The following AKAP19 variants were observed in gnomAD, a reference collection of about 807,000 sequenced individuals.
AKAP19 encodes the protein small A-kinase anchoring protein.
the AKAP19 span, among the ~76,000 whole-genome samples, chr2:190,136,812 GA>G: frequency 6.6e-6 from 1 of 152,216 alleles, no homozygotes; most frequent in Non-Finnish European, 1.5e-5. Flanking sequence ...TGGGTTAGTA[GA>G]AAAGAAAGCA....
the AKAP19 span, among the ~76,000 whole-genome samples, chr2:190,117,240 G>C: frequency 6.6e-6 from 1 of 152,098 alleles, no homozygotes; most frequent in Non-Finnish European, 1.5e-5. Flanking sequence ...ATTATAAAAG[G>C]CCTTGTGCAA....
the AKAP19 span, among the ~76,000 whole-genome samples, chr2:189,928,613 A>G: frequency 2.0e-5 from 3 of 152,114 alleles, no homozygotes; most frequent in Non-Finnish European, 4.4e-5. Context: ...ATTTCTTTCA[A>G]TTTTTCTCAA....
the AKAP19 span, among the ~76,000 whole-genome samples, chr2:190,030,712 T>A: frequency 6.6e-6 from 1 of 152,200 alleles, no homozygotes; most frequent in East Asian, 1.9e-4. Flanking sequence ...ATCTGGATCA[T>A]CACAATATAT....
At chr2:189,904,655 A>C in the AKAP19 span, among the ~76,000 whole-genome samples, 1 of 151,998 alleles carries the variant, frequency 6.6e-6, no homozygotes, top group Non-Finnish European at 1.5e-5. Context: ...ATTTTTATGC[A>C]GTTATTGATG....
At chr2:190,071,711 T>C in the AKAP19 span, among the ~76,000 whole-genome samples, 1 of 152,148 alleles carries the variant, frequency 6.6e-6, no homozygotes, top group African/African-American at 2.4e-5. Context: ...GTATTATAAA[T>C]CTTTGTAAAA....
chr2:189,954,972 G>A, the AKAP19 span, among the ~76,000 whole-genome samples: 1 of 151,942 alleles, frequency 6.6e-6, no homozygotes, highest in Non-Finnish European at 1.5e-5. Flanking sequence ...ATGGACTTAG[G>A]GGTACAAGTA....
At chr2:189,980,493 C>T in the AKAP19 span, among the ~76,000 whole-genome samples, 1 of 152,098 alleles carries the variant, frequency 6.6e-6, no homozygotes, top group African/African-American at 2.4e-5. Flanking sequence ...CACCACCATG[C>T]CCAGTTAGTT....
the AKAP19 span, among the ~76,000 whole-genome samples, chr2:190,091,580 C>A: frequency 1.8e-4 from 15 of 83,558 alleles, no homozygotes; most frequent in Non-Finnish European, 3.6e-4. Flanking sequence ...CAAATAGAAC[C>A]ATTTTAAGAA....
the AKAP19 span, among the ~76,000 whole-genome samples, chr2:189,894,141 T>C: frequency 6.6e-6 from 1 of 152,224 alleles, no homozygotes; most frequent in Non-Finnish European, 1.5e-5. Context: ...AGAATCTCTT[T>C]AGATGCTGCT....
chr2:190,138,425 C>T, the AKAP19 span, among the ~76,000 whole-genome samples: 1 of 152,144 alleles, frequency 6.6e-6, no homozygotes, highest in Non-Finnish European at 1.5e-5. Context: ...TGAGTACTTC[C>T]CGATACTCCT....
chr2:190,088,133 C>A, the AKAP19 span, among the ~76,000 whole-genome samples: 1 of 152,158 alleles, frequency 6.6e-6, no homozygotes, highest in African/African-American at 2.4e-5. Flanking sequence ...AGTAAAGTGA[C>A]TTTGCCAAAG....
At chr2:189,930,927 C>T in the AKAP19 span, 1 of 715,234 alleles carries the variant, frequency 1.4e-6, no homozygotes, top group African/African-American at 1.8e-5. Context: ...GCTTAGTTCC[C>T]TCGCTAAAGC....
chr2:190,027,880 G>C, the AKAP19 span, among the ~76,000 whole-genome samples: 26 of 152,142 alleles, frequency 1.7e-4, no homozygotes, highest in East Asian at 4.8e-3. Context: ...AATTATATTT[G>C]TTTGGCATCT....
chr2:190,005,204 G>C, the AKAP19 span, among the ~76,000 whole-genome samples: 1 of 152,170 alleles, frequency 6.6e-6, no homozygotes, highest in Non-Finnish European at 1.5e-5. Flanking sequence ...AATCAACAAA[G>C]CTTCCGCAGC....
At chr2:190,095,088 T>C in the AKAP19 span, among the ~76,000 whole-genome samples, 17 of 152,054 alleles carry the variant, frequency 1.1e-4, no homozygotes, top group African/African-American at 3.9e-4. Context: ...CCGGGTGTAG[T>C]GGCCCATGCC....
At chr2:190,011,237 C>T in the AKAP19 span, among the ~76,000 whole-genome samples, 4 of 151,340 alleles carry the variant, frequency 2.6e-5, no homozygotes, top group Admixed American at 2.0e-4. Flanking sequence ...TTTTGTATTT[C>T]TTTAGTAGAG....
the AKAP19 span, among the ~76,000 whole-genome samples, chr2:190,038,901 T>TTCTTCTTCTTCTTCTTC: frequency 6.2e-3 from 287 of 45,970 alleles, 4 homozygotes; most frequent in Middle Eastern, 0.026. Flanking sequence ...TCTTTCTTTC[T>TTCTTCTTCTTCTTCTTC]TTCTTCTTCT....
the AKAP19 span, among the ~76,000 whole-genome samples, chr2:189,938,792 A>G: frequency 2.0e-5 from 3 of 152,314 alleles, no homozygotes; most frequent in African/African-American, 7.2e-5. Flanking sequence ...ATTATTACAC[A>G]TTGCATGCCT....
At chr2:190,200,017 G>A in the AKAP19 span, 7 of 1,613,950 alleles carry the variant, frequency 4.3e-6, no homozygotes, top group Non-Finnish European at 5.9e-6. Flanking sequence ...GGAACCTCCA[G>A]GGACCAATAC....
Sources: allele counts gnomAD v4.1 joint callset (sites outside exome capture counted in the v4.1 genomes callset), GRCh38; gene constraint gnomAD v4.1.1; transcripts MANE v1.5; gene names NCBI Gene and HGNC (gene_info 2026-07-23, HGNC 2026-07-21).